The following TMC1 variants were observed in gnomAD, a reference collection of about 807,000 sequenced individuals.
TMC1 encodes the protein transmembrane channel like 1, also known as transmembrane channel-like protein 1.
A neutral mutation model predicts 105.8 loss-of-function variants in TMC1; 84 were observed. The ratio of observed to expected loss-of-function variants is 0.79; its 90% CI spans 0.67 to 0.95. The LOEUF (loss-of-function observed/expected upper bound fraction) is 0.95, where lower values mean the gene tolerates loss of function less well. Ranked by LOEUF, TMC1 falls within the 40% of genes least tolerant of loss-of-function variation. The pLI is 0.00. For missense variants in TMC1, 817 were observed against 914.1 expected (o/e 0.89, Z 1.37); for synonymous variants, 315 against 311.5 (o/e 1.01, Z -0.12).
chr9:72,752,517 A>G (rs1001226816), intron 11 of TMC1, among the ~76,000 whole-genome samples: 10 of 151,974 alleles, frequency 6.6e-5, no homozygotes, highest in African/African-American at 2.4e-4. Flanking sequence ...GATGAGGTCC[A>G]AAGTCAGAAA....
In TMC1 at chr9:72,807,183, A is replaced by C. The variant is rs551759235; in HGVS notation, c.1695+1673A>C. Among the ~76,000 whole-genome samples the C allele has an allele frequency of 2.6e-5, 4 of 152,354 alleles. No homozygotes were observed. In the East Asian group the frequency reaches 5.8e-4, roughly 22 times the overall value. On this transcript the variant is annotated intron_variant, in intron 18 of 23. Transcript: ENST00000297784. ...CAGGAGAATCAGGCAGGGAGGTTGC[A>C]GTGAGCCGAGATGGCAGCAGTACAG... is the stretch of plus-strand genomic sequence containing the variant.
chr9:72,748,201 C>T (rs929876199), intron 10 of TMC1, among the ~76,000 whole-genome samples: 1 of 152,146 alleles, frequency 6.6e-6, no homozygotes, highest in Non-Finnish European at 1.5e-5. Flanking sequence ...GTTTAGAAGC[C>T]TGGCTTCCTT....
At chr9:72,567,257 C>T (rs1173779122) in intron 1 of TMC1, among the ~76,000 whole-genome samples, 2 of 152,134 alleles carry the variant, frequency 1.3e-5, no homozygotes, top group Non-Finnish European at 2.9e-5. Flanking sequence ...ATCACGGTCT[C>T]GTATTTGTCT....
chr9:72,647,622 C>T (rs1261046362), intron 4 of TMC1, among the ~76,000 whole-genome samples: 3 of 152,264 alleles, frequency 2.0e-5, no homozygotes, highest in East Asian at 1.9e-4. Flanking sequence ...GTGAACATCA[C>T]CCTTACAGAG....
chr9:72,770,426 T>G (rs1307898444), intron 12 of TMC1, among the ~76,000 whole-genome samples: 1 of 144,964 alleles, frequency 6.9e-6, no homozygotes, highest in East Asian at 2.0e-4. Context: ...TGGGTTTTTT[T>G]TTTTTTTTTT....
intron 13 of TMC1, among the ~76,000 whole-genome samples, chr9:72,783,895 T>C (rs1828130435): frequency 6.6e-6 from 1 of 152,178 alleles, no homozygotes. Flanking sequence ...CAACTCAAGG[T>C]GGGTTAAAGA....
intron 3 of TMC1, among the ~76,000 whole-genome samples, chr9:72,622,480 C>T (rs1220066622): frequency 6.6e-6 from 1 of 152,162 alleles, no homozygotes; most frequent in Non-Finnish European, 1.5e-5. Flanking sequence ...TCTTCCTCAG[C>T]CTAGAAATAA....
chr9:72,678,186 A>T (rs1826232433), intron 5 of TMC1, among the ~76,000 whole-genome samples: 1 of 152,090 alleles, frequency 6.6e-6, no homozygotes. Context: ...TGGTTATGCC[A>T]CTTATTGGTT....
chr9:72,638,652 A>G (rs1357083189), intron 4 of TMC1, among the ~76,000 whole-genome samples: 1 of 152,188 alleles, frequency 6.6e-6, no homozygotes, highest in Non-Finnish European at 1.5e-5. Flanking sequence ...TCTCTATAGT[A>G]TTGGCTGAAT....
At chr9:72,742,315 T>A (rs1220579187) in intron 9 of TMC1, 129 bp from the exon 10 acceptor site, 4 of 756,012 alleles carry the variant, frequency 5.3e-6, no homozygotes, top group East Asian at 2.7e-5. Flanking sequence ...CCCCTTTGAC[T>A]AGAAAGTAGT....
chr9:72,567,467 A>T (rs745668819), intron 1 of TMC1, among the ~76,000 whole-genome samples: 2 of 152,230 alleles, frequency 1.3e-5, no homozygotes, highest in Non-Finnish European at 2.9e-5. Flanking sequence ...TAAAGAAAAG[A>T]GGTTTAAATG....
At position 72,836,209 on chromosome 9, in the gene TMC1, C is replaced by A; in HGVS notation, c.*236C>A. On this transcript the variant is annotated 3_prime_UTR_variant, in exon 24 of 24. Transcript: ENST00000297784. ...CTGCAGAGCCACTCTCTCCCCTGCT[C>A]CATTTCGTGACTTTTTTTTTTTTTT... 1 of 577,648 alleles carries A rather than the reference C, an allele frequency of 1.7e-6. No homozygotes were observed. The highest frequency in any genetic ancestry group is 2.2e-5 in the South Asian group (1 of 44,494). 35.8% of individuals were successfully genotyped at this position (577,648 alleles called of 1,614,324 possible).
intron 1 of TMC1, among the ~76,000 whole-genome samples, chr9:72,531,250 T>C (rs1823494717): frequency 6.6e-6 from 1 of 152,230 alleles, no homozygotes; most frequent in Non-Finnish European, 1.5e-5. Flanking sequence ...TACTTTTGTC[T>C]ACTTTCATTG....
chr9:72,697,364 T>C (rs1826567571), intron 7 of TMC1, among the ~76,000 whole-genome samples: 2 of 152,086 alleles, frequency 1.3e-5, no homozygotes, highest in South Asian at 2.1e-4. Flanking sequence ...GTCCATAATA[T>C]AGTAAGGGAT....
At chr9:72,805,261 T>C (rs1828552317) in intron 17 of TMC1, 121 bp from the exon 18 acceptor site, 1 of 963,372 alleles carries the variant, frequency 1.0e-6, no homozygotes, top group South Asian at 1.6e-5. Context: ...TGTTTTCTTC[T>C]TTTGCCATTA....
At chr9:72,716,463 A>G (rs1164482019) in intron 8 of TMC1, among the ~76,000 whole-genome samples, 1 of 152,140 alleles carries the variant, frequency 6.6e-6, no homozygotes, top group East Asian at 1.9e-4. Flanking sequence ...CCCTGGCCAC[A>G]GAGGAGGGAA....
chr9:72,528,306 T>G (rs1823440279), intron 1 of TMC1, among the ~76,000 whole-genome samples: 1 of 152,108 alleles, frequency 6.6e-6, no homozygotes, highest in African/African-American at 2.4e-5. Flanking sequence ...ACAAATAAAT[T>G]TCTCTTGCTT....
chr9:72,726,153 G>A (rs1475161246), intron 8 of TMC1, among the ~76,000 whole-genome samples: 1 of 152,046 alleles, frequency 6.6e-6, no homozygotes. Flanking sequence ...TCAAATATAA[G>A]GGGTCCAAGA....
At chr9:72,623,220 C>T (rs1477177111) in intron 3 of TMC1, among the ~76,000 whole-genome samples, 2 of 137,000 alleles carry the variant, frequency 1.5e-5, no homozygotes, top group African/African-American at 5.5e-5. Context: ...GGTCATTGGA[C>T]ACAGAGATAC....
Sources: allele counts gnomAD v4.1 joint callset (sites outside exome capture counted in the v4.1 genomes callset), GRCh38; gene constraint gnomAD v4.1.1; transcripts MANE v1.5; gene names NCBI Gene and HGNC (gene_info 2026-07-23, HGNC 2026-07-21).